CSMD3: variants seen among roughly 807,000 people sequenced by gnomAD.
CSMD3 encodes CUB and sushi domain-containing protein 3.
A neutral mutation model predicts 435.2 loss-of-function variants in CSMD3; 177 were observed. The observed-to-expected ratio is 0.41, with a 90% CI of 0.36 to 0.46. The LOEUF (loss-of-function observed/expected upper bound fraction) is 0.46, where lower values mean the gene tolerates loss of function less well. Among genes scored for constraint, CSMD3 ranks in the 20% least tolerant of loss-of-function variants. CSMD3 has a pLI of 0.34. For missense variants in CSMD3, 4,265 were observed against 4,504.6 expected (o/e 0.95, Z 1.52); for synonymous variants, 1,656 against 1,520.5 (o/e 1.09, Z -2.07).
chr8:112,489,754 A>C (rs1820502063), intron 31 of CSMD3, among the ~76,000 whole-genome samples: 2 of 152,156 alleles, frequency 1.3e-5, no homozygotes, highest in Admixed American at 6.5e-5. Context: ...TTGTTTTACT[A>C]TACTAGAAAT....
chr8:113,263,555 C>T (rs889675609), intron 3 of CSMD3, among the ~76,000 whole-genome samples: 1 of 151,742 alleles, frequency 6.6e-6, no homozygotes, highest in Non-Finnish European at 1.5e-5. Context: ...TATGACTTTG[C>T]AAGAACTAAA....
intron 22 of CSMD3, 56 bp from the exon 23 acceptor site, chr8:112,587,291 A>T (rs918477022): frequency 3.9e-6 from 5 of 1,266,230 alleles, no homozygotes; most frequent in Non-Finnish European, 5.7e-6. Flanking sequence ...TATCATTTTC[A>T]AGCAATATCA....
intron 1 of CSMD3, among the ~76,000 whole-genome samples, chr8:113,335,912 G>A (rs148598833): frequency 2.0e-4 from 31 of 151,928 alleles, no homozygotes; most frequent in African/African-American, 7.2e-4. Flanking sequence ...ATTTATTTTG[G>A]TTTATCCATT....
At chr8:112,463,170 T>C (rs968463334) in intron 32 of CSMD3, among the ~76,000 whole-genome samples, 1 of 152,134 alleles carries the variant, frequency 6.6e-6, no homozygotes, top group Non-Finnish European at 1.5e-5. Flanking sequence ...AAGACTAGCC[T>C]GATCAAAGTG....
At chr8:113,360,825 G>A (rs2094270278) in intron 1 of CSMD3, among the ~76,000 whole-genome samples, 1 of 151,764 alleles carries the variant, frequency 6.6e-6, no homozygotes, top group Non-Finnish European at 1.5e-5. Context: ...CGCCCGCCTC[G>A]GCCTCCCAAA....
intron 13 of CSMD3, among the ~76,000 whole-genome samples, chr8:112,744,011 T>C (rs1587147487): frequency 6.6e-6 from 1 of 152,048 alleles, no homozygotes; most frequent in African/African-American, 2.4e-5. Flanking sequence ...TGTTAGGCAA[T>C]GTTATTATAT....
At chr8:113,263,133 A>G (rs950836753) in intron 3 of CSMD3, among the ~76,000 whole-genome samples, 1 of 152,044 alleles carries the variant, frequency 6.6e-6, no homozygotes, top group Non-Finnish European at 1.5e-5. Flanking sequence ...CGACCAAAAG[A>G]GCACACTGCC....
chr8:112,494,510 TC>T (rs1444696647), intron 30 of CSMD3, among the ~76,000 whole-genome samples: 1 of 81,978 alleles, frequency 1.2e-5, no homozygotes, highest in Admixed American at 1.2e-4. Flanking sequence ...TTTCTTTCTT[TC>T]TTTCTTTCTT....
At chr8:112,360,939 A>AT (rs1827135879) in intron 38 of CSMD3, among the ~76,000 whole-genome samples, 1 of 151,962 alleles carries the variant, frequency 6.6e-6, no homozygotes, top group Non-Finnish European at 1.5e-5. Flanking sequence ...TACAGTTTGA[A>AT]TTTTGCAGCC....
intron 17 of CSMD3, among the ~76,000 whole-genome samples, chr8:112,660,055 A>T (rs1405075388): frequency 6.6e-6 from 1 of 152,134 alleles, no homozygotes; most frequent in Non-Finnish European, 1.5e-5. Context: ...AGTAAGTGAC[A>T]TGACTCTGTA....
At chr8:113,275,393 TGA>T (rs769258789) in intron 3 of CSMD3, among the ~76,000 whole-genome samples, 1 of 152,090 alleles carries the variant, frequency 6.6e-6, no homozygotes, top group Non-Finnish European at 1.5e-5. Flanking sequence ...TAAGAATCAG[TGA>T]GTCTCTTATT....
chr8:112,359,358 C>A (rs1202661819), intron 38 of CSMD3, among the ~76,000 whole-genome samples: 1 of 152,112 alleles, frequency 6.6e-6, no homozygotes, highest in Non-Finnish European at 1.5e-5. Context: ...TTAACACAAT[C>A]TGATAATATA....
intron 4 of CSMD3, among the ~76,000 whole-genome samples, chr8:113,152,984 AC>A (rs1420492502): frequency 1.3e-5 from 2 of 151,574 alleles, no homozygotes; most frequent in African/African-American, 4.9e-5. Flanking sequence ...AGAAAAGAAA[AC>A]AAAACAAAAC....
intron 22 of CSMD3, among the ~76,000 whole-genome samples, chr8:112,614,138 A>G (rs535127921): frequency 2.4e-4 from 37 of 152,270 alleles, no homozygotes; most frequent in African/African-American, 8.9e-4. Context: ...GATATTTGGG[A>G]AAAAGCATTG....
At chr8:112,370,200 T>C (rs970427179) in intron 38 of CSMD3, among the ~76,000 whole-genome samples, 2 of 152,200 alleles carry the variant, frequency 1.3e-5, no homozygotes, top group African/African-American at 2.4e-5. Flanking sequence ...TGTTTTGTTT[T>C]GTTTTTCACT....
chr8:112,620,671 G>A (rs1184605114), intron 22 of CSMD3, among the ~76,000 whole-genome samples: 2 of 152,114 alleles, frequency 1.3e-5, no homozygotes, highest in Non-Finnish European at 2.9e-5. Context: ...CCAATAAAAA[G>A]AGATACGTGA....
At chr8:112,413,930 C>T (rs1359906207) in intron 32 of CSMD3, among the ~76,000 whole-genome samples, 3 of 152,100 alleles carry the variant, frequency 2.0e-5, no homozygotes, top group African/African-American at 7.2e-5. Flanking sequence ...CCCTCAATGT[C>T]TGATTACCCT....
chr8:112,645,263 G>A (rs2131613588), intron 19 of CSMD3, 38 bp from the exon 20 acceptor site: 1 of 1,078,204 alleles, frequency 9.3e-7, no homozygotes, highest in Non-Finnish European at 1.4e-6. Context: ...GATCAGCAGT[G>A]AGAGAGACAG....
chr8:112,485,414 T>G (rs1463420933), intron 31 of CSMD3, among the ~76,000 whole-genome samples: 1 of 152,094 alleles, frequency 6.6e-6, no homozygotes, highest in Non-Finnish European at 1.5e-5. Context: ...TTAATTATAT[T>G]ACATATTTAA....
Sources: allele counts gnomAD v4.1 joint callset (sites outside exome capture counted in the v4.1 genomes callset), GRCh38; gene constraint gnomAD v4.1.1; transcripts MANE v1.5; gene names NCBI Gene and HGNC (gene_info 2026-07-23, HGNC 2026-07-21).